The following ASXL3 variants were observed in gnomAD, a reference collection of about 807,000 sequenced individuals.
ASXL3 encodes ASXL transcriptional regulator 3.
Under a neutral mutation model 170.6 loss-of-function variants are expected in ASXL3, and 34 were observed. That is an observed-to-expected ratio of 0.20 (90% CI 0.15 to 0.27). The LOEUF (loss-of-function observed/expected upper bound fraction) is 0.27. Among genes scored for constraint, ASXL3 ranks in the 10% least tolerant of loss-of-function variants. The pLI is 1.00. For missense variants in ASXL3, 2,592 were observed against 2,695.3 expected (o/e 0.96, Z 0.85); for synonymous variants, 1,002 against 989.1 (o/e 1.01, Z -0.24).
At chr18:33,711,646 T>C (rs1168827040) in intron 8 of ASXL3, among the ~76,000 whole-genome samples, 2 of 152,212 alleles carry the variant, frequency 1.3e-5, no homozygotes, top group Admixed American at 1.3e-4. Flanking sequence ...ATCATTTGAA[T>C]AAATTAGATG....
intron 3 of ASXL3, 32 bp downstream of exon 3, chr18:33,645,034 C>T (rs907482376): frequency 6.5e-6 from 9 of 1,391,744 alleles, no homozygotes; most frequent in Non-Finnish European, 7.9e-6. Flanking sequence ...ATTGTTATTA[C>T]TATTATCATG....
At chr18:33,641,341 C>T (rs2145192893) in intron 2 of ASXL3, among the ~76,000 whole-genome samples, 1 of 152,074 alleles carries the variant, frequency 6.6e-6, no homozygotes, top group Admixed American at 6.6e-5. Context: ...CGTTCTGCTT[C>T]AGGGGTTGTG....
At chr18:33,660,601 A>G (rs1195346972) in intron 4 of ASXL3, among the ~76,000 whole-genome samples, 1 of 152,098 alleles carries the variant, frequency 6.6e-6, no homozygotes, top group East Asian at 1.9e-4. Flanking sequence ...TTTTTTTACA[A>G]TATGTTCTCA....
At chr18:33,639,746 G>C (rs2065819150) in intron 2 of ASXL3, among the ~76,000 whole-genome samples, 4 of 152,046 alleles carry the variant, frequency 2.6e-5, no homozygotes. Context: ...TGATATCTTG[G>C]TAGTTTTTAA....
chr18:33,750,371 T>C lies in ASXL3; in HGVS notation c.*3776T>C, dbSNP rs1325906442. Reference sequence around the variant, plus strand: ...CTATTTCGCTTTGTACTATATTTGATAGTTGCAGAATAATTTAGACTGTAG... The same window carrying C: ...CTATTTCGCTTTGTACTATATTTGACAGTTGCAGAATAATTTAGACTGTAG... On this transcript the variant is annotated 3_prime_UTR_variant, in exon 12 of 12. Transcript: ENST00000269197. 2 of 152,254 alleles carry C rather than the reference T, an allele frequency of 1.3e-5. No individual in the cohort carries two copies. Among genetic ancestry groups the C allele is most frequent in the African/African-American group, 4.8e-5 (2 of 41,458 alleles). 9.4% of individuals were successfully genotyped at this position (152,254 alleles called of 1,614,324 possible).
At chr18:33,735,035 A>G (rs2067520791) in intron 10 of ASXL3, among the ~76,000 whole-genome samples, 1 of 152,170 alleles carries the variant, frequency 6.6e-6, no homozygotes. Flanking sequence ...CTGCTTTGGC[A>G]ATATTAGTGT....
At chr18:33,655,232 C>T (rs901675149) in intron 4 of ASXL3, among the ~76,000 whole-genome samples, 4 of 151,994 alleles carry the variant, frequency 2.6e-5, no homozygotes, top group African/African-American at 4.8e-5. Flanking sequence ...CAACATTCCT[C>T]TTGGTTTATT....
intron 4 of ASXL3, among the ~76,000 whole-genome samples, chr18:33,654,044 A>G (rs569843845): frequency 1.9e-4 from 29 of 152,154 alleles, no homozygotes; most frequent in African/African-American, 7.0e-4. Flanking sequence ...ATTCCTGTCT[A>G]GATGGATTTT....
chr18:33,621,546 A>T (rs1473376294), intron 2 of ASXL3, among the ~76,000 whole-genome samples: 6 of 152,096 alleles, frequency 3.9e-5, no homozygotes, highest in African/African-American at 1.4e-4. Context: ...TCAAATAGTG[A>T]TCTAAAATTT....
In ASXL3 at chr18:33,744,981, C is replaced by T. The variant is rs865883453; in HGVS notation, c.5133C>T (p.Ser1711=). 1.9e-6 allele frequency: 3 copies of T among 1,613,994 alleles called. No homozygotes were observed. Among genetic ancestry groups the T allele is most frequent in the Non-Finnish European group, 2.5e-6 (3 of 1,179,902 alleles). ...SVQQTQNMKA[S]TSSPMEEAIS... is the part of the protein sequence containing the mutation. ...AACAAACACAGAACATGAAAGCTTC[C>T]ACCTCAAGTCCCATGGAAGAGGCTA... Residue 1711 remains serine, a synonymous_variant, in exon 12 of 12, where the codon TCC becomes TCT. Coordinates refer to ENST00000269197, the MANE Select transcript of ASXL3 (RefSeq NM_030632.3).
At position 33,582,739 on chromosome 18, in the gene ASXL3, TG is replaced by T. The variant is rs1414478183; in HGVS notation, c.54+4055del. Among the ~76,000 whole-genome samples, 869 of 149,754 alleles carry T rather than the reference TG, an allele frequency of 5.8e-3. 5 individuals carry two copies. The highest frequency in any genetic ancestry group is 0.02 in the African/African-American group (778 of 39,390). On this transcript the variant is annotated intron_variant, in intron 1 of 11. Transcript: ENST00000269197. ...GTGTGTGTGTGTGTGTGTGTGTGTG[TG>T]TTTTCTTGGTAGTTCAAGGTGACCT...
intron 10 of ASXL3, among the ~76,000 whole-genome samples, chr18:33,738,210 A>G (rs2067581053): frequency 6.7e-6 from 1 of 149,004 alleles, no homozygotes; most frequent in South Asian, 2.1e-4. Context: ...TGTAATTTTC[A>G]TATTCCTTTA....
Position 33,740,138 on chromosome 18 carries a change from G to A in ASXL3, c.2734G>A (p.Asp912Asn). Residue 912 changes from aspartate to asparagine, a missense_variant, in exon 11 of 12, where the codon GAT becomes AAT. Transcript: ENST00000269197. ...LQDKQYISSV[D>N]KAPFSEGSRN... ...GGACAAGCAATATATCTCATCAGTG[G>A]ATAAGGCTCCATTTTCAGAAGGCTC... 6.2e-7 allele frequency: 1 copy of A among 1,613,902 alleles called. No individual in the cohort carries two copies.
chr18:33,708,240 G>C (rs1599523577), intron 8 of ASXL3, among the ~76,000 whole-genome samples: 1 of 152,152 alleles, frequency 6.6e-6, no homozygotes, highest in Non-Finnish European at 1.5e-5. Context: ...CTAGACTAGA[G>C]ATCTTTTTGG....
chr18:33,734,911 T>C (rs1568356713), intron 10 of ASXL3, among the ~76,000 whole-genome samples: 1 of 152,196 alleles, frequency 6.6e-6, no homozygotes, highest in Non-Finnish European at 1.5e-5. Flanking sequence ...CTTTATTATC[T>C]GTATGTGTGC....
At chr18:33,682,211 T>C (rs1461209836) in intron 7 of ASXL3, among the ~76,000 whole-genome samples, 1 of 152,296 alleles carries the variant, frequency 6.6e-6, no homozygotes, top group Non-Finnish European at 1.5e-5. Context: ...ATATAAACAA[T>C]TGGACATGAT....
At chr18:33,716,626 G>C (rs1034995830) in intron 8 of ASXL3, among the ~76,000 whole-genome samples, 3 of 152,026 alleles carry the variant, frequency 2.0e-5, no homozygotes, top group African/African-American at 7.2e-5. Flanking sequence ...GGCATGTTTG[G>C]CATTTTGTTA....
chr18:33,722,391 A>C (rs1347850668), intron 8 of ASXL3, among the ~76,000 whole-genome samples: 3 of 152,180 alleles, frequency 2.0e-5, no homozygotes, highest in Non-Finnish European at 4.4e-5. Context: ...GTGCTACTGC[A>C]CTGAACACAC....
At chr18:33,735,147 C>A (rs1003885947) in intron 10 of ASXL3, among the ~76,000 whole-genome samples, 1 of 152,326 alleles carries the variant, frequency 6.6e-6, no homozygotes, top group African/African-American at 2.4e-5. Context: ...CTCCCACATA[C>A]AAACCAATAC....
Sources: allele counts gnomAD v4.1 joint callset (sites outside exome capture counted in the v4.1 genomes callset), GRCh38; gene constraint gnomAD v4.1.1; transcripts MANE v1.5; gene names NCBI Gene and HGNC (gene_info 2026-07-23, HGNC 2026-07-21).